DZIP3: variants seen among roughly 807,000 people sequenced by gnomAD.
DZIP3 encodes E3 ubiquitin-protein ligase DZIP3.
Under a neutral mutation model 162.0 loss-of-function variants are expected in DZIP3, and 118 were observed. That is an observed-to-expected ratio of 0.73 (90% CI 0.63 to 0.85). The LOEUF (loss-of-function observed/expected upper bound fraction) is 0.85, where lower values mean the gene tolerates loss of function less well. DZIP3 is among the 40% of genes least tolerant of loss of function. The probability of loss-of-function intolerance (pLI) is 0.00; values close to 1 mark genes in which losing one functional copy is unlikely to be tolerated. For synonymous variants in DZIP3, 438 were observed against 458.6 expected (o/e 0.96, Z 0.57); for missense variants, 1,331 against 1,407.0 (o/e 0.95, Z 0.86).
intron 26 of DZIP3, among the ~76,000 whole-genome samples, chr3:108,681,200 T>C (rs1172239052): frequency 3.3e-5 from 5 of 152,182 alleles, no homozygotes; most frequent in Non-Finnish European, 7.3e-5. Context: ...AAAGGGCTTA[T>C]ATCTAGAATC....
chr3:108,667,551 T>C (rs950473676), intron 21 of DZIP3, among the ~76,000 whole-genome samples: 1 of 152,136 alleles, frequency 6.6e-6, no homozygotes, highest in African/African-American at 2.4e-5. Flanking sequence ...CCTGTGGTGA[T>C]AGAACAGTTC....
rs147540071 is a variant in DZIP3, at chr3:108,662,628, T to A, written c.2423+371T>A. Among the ~76,000 whole-genome samples the A allele has an allele frequency of 4.3e-3, 656 of 152,372 alleles. 3 individuals carry two copies. Among genetic ancestry groups the A allele is most frequent in the African/African-American group, 0.012 (488 of 41,598 alleles). On this transcript the variant is annotated intron_variant, in intron 21 of 32. Coordinates refer to ENST00000361582, the MANE Select transcript of DZIP3 (RefSeq NM_014648.4). ...AAGACACCAAGGAATCAGTTGAGTG[T>A]ATTTTTATGTTGGTCTTTCATTTGT...
chr3:108,649,134 T>C (rs1942757984), intron 17 of DZIP3, among the ~76,000 whole-genome samples, 172 bp downstream of exon 17: 1 of 151,900 alleles, frequency 6.6e-6, no homozygotes, highest in African/African-American at 2.4e-5. Flanking sequence ...TGAATGATTT[T>C]GAAGTACGAA....
At chr3:108,632,705 TCTCTC>T (rs1162141952) in intron 8 of DZIP3, among the ~76,000 whole-genome samples, 1 of 152,178 alleles carries the variant, frequency 6.6e-6, no homozygotes, top group Non-Finnish European at 1.5e-5. Flanking sequence ...AACATACACT[TCTCTC>T]CATTCTCCAT....
intron 1 of DZIP3, among the ~76,000 whole-genome samples, chr3:108,594,848 G>C (rs1386617066): frequency 6.6e-6 from 1 of 151,748 alleles, no homozygotes; most frequent in Non-Finnish European, 1.5e-5. Context: ...TTTATATTTT[G>C]GTTTTGTTTT....
chr3:108,686,887 CATT>C (rs1037155007), intron 28 of DZIP3, among the ~76,000 whole-genome samples: 1 of 152,062 alleles, frequency 6.6e-6, no homozygotes, highest in African/African-American at 2.4e-5. Context: ...CACTAACTGC[CATT>C]ATTATCTTAA....
At chr3:108,601,393 A>T (rs1940007841) in intron 1 of DZIP3, among the ~76,000 whole-genome samples, 1 of 152,216 alleles carries the variant, frequency 6.6e-6, no homozygotes, top group South Asian at 2.1e-4. Context: ...GAATGTCAGT[A>T]GTTCCAAAAT....
intron 32 of DZIP3, 125 bp downstream of exon 32, chr3:108,691,028 G>A: frequency 1.4e-6 from 1 of 727,940 alleles, no homozygotes; most frequent in South Asian, 2.0e-5. Flanking sequence ...CAAAGCAGCA[G>A]CCAAAGAAGT....
chr3:108,689,914 G>C (rs948068612), intron 31 of DZIP3, among the ~76,000 whole-genome samples: 3 of 152,118 alleles, frequency 2.0e-5, no homozygotes, highest in Non-Finnish European at 4.4e-5. Context: ...ATGTTTGTAA[G>C]ACATCATTTC....
rs6795698 is a variant in DZIP3 at position 108,643,290 on chromosome 3, G to A, written c.1141+776G>A. 4.3e-3 allele frequency among the ~76,000 whole-genome samples: 662 copies of A among 152,200 alleles called. 3 individuals are homozygous for A. The highest frequency in any genetic ancestry group is 0.012 in the African/African-American group (488 of 41,526). On this transcript the variant is annotated intron_variant, in intron 13 of 32. Coordinates refer to ENST00000361582, the MANE Select transcript of DZIP3 (RefSeq NM_014648.4). ...CCGACTTTTCTCCTTTGAAAGCACTGTTAAAACAGGAAAATACCAAATAGT... is the reference window on the plus strand; with the variant it reads ...CCGACTTTTCTCCTTTGAAAGCACTATTAAAACAGGAAAATACCAAATAGT...
chr3:108,631,093 T>C (rs1052344799), intron 8 of DZIP3, among the ~76,000 whole-genome samples: 25 of 144,816 alleles, frequency 1.7e-4, no homozygotes, highest in African/African-American at 5.5e-4. Flanking sequence ...TCTCTCTCTC[T>C]CCTATCCTAC....
chr3:108,600,811 A>G (rs1436029681), intron 1 of DZIP3, among the ~76,000 whole-genome samples: 2 of 152,038 alleles, frequency 1.3e-5, no homozygotes, highest in Non-Finnish European at 1.5e-5. Context: ...ATGGATCCCT[A>G]TGTTTTAGAT....
chr3:108,625,717 T>C, intron 6 of DZIP3, 128 bp from the exon 7 acceptor site: 1 of 903,660 alleles, frequency 1.1e-6, no homozygotes, highest in Non-Finnish European at 1.6e-6. Flanking sequence ...AGAATGTGAA[T>C]AAATGACCAG....
intron 7 of DZIP3, among the ~76,000 whole-genome samples, chr3:108,628,187 G>A (rs1194075000): frequency 6.6e-6 from 1 of 152,120 alleles, no homozygotes; most frequent in Non-Finnish European, 1.5e-5. Context: ...AGTAGGGGAA[G>A]ATCTTAAGAA....
Position 108,624,564 on chromosome 3 carries a change from A to G in DZIP3, c.456+40A>G, listed in dbSNP as rs1941509724. 3.5e-6 allele frequency: 4 copies of G among 1,157,236 alleles called. No homozygotes were observed. The Admixed American group carries it at 7.2e-5, about 21-fold the overall frequency. The allele number at this position is 1,157,236 out of a possible 1,614,324, so 71.7% of individuals were successfully genotyped here. On this transcript the variant is annotated intron_variant, in intron 6 of 32. Transcript: ENST00000361582. ...ATTTGCCCTTTATAAATCTTTTTACATCTTGGAATAATCAGGCCAAAGATT... is the reference window on the plus strand; with the variant it reads ...ATTTGCCCTTTATAAATCTTTTTACGTCTTGGAATAATCAGGCCAAAGATT...
At chr3:108,692,641 T>C (rs1336970636) in intron 32 of DZIP3, among the ~76,000 whole-genome samples, 1 of 152,150 alleles carries the variant, frequency 6.6e-6, no homozygotes, top group Non-Finnish European at 1.5e-5. Flanking sequence ...ATTTCTCAAA[T>C]GGTTTACATC....
At chr3:108,616,452 C>G (rs189802706) in intron 4 of DZIP3, 89 bp from the exon 5 acceptor site, 3 of 848,946 alleles carry the variant, frequency 3.5e-6, no homozygotes, top group African/African-American at 3.6e-5. Flanking sequence ...AAAATTTTCT[C>G]CAATGAGCAT....
chr3:108,668,955 A>T (rs1029697387), intron 21 of DZIP3, among the ~76,000 whole-genome samples: 3 of 152,004 alleles, frequency 2.0e-5, no homozygotes, highest in Non-Finnish European at 4.4e-5. Context: ...TACTAGGTTT[A>T]TGTAAAAGCT....
At chr3:108,657,716 T>A (rs1458303306) in intron 19 of DZIP3, among the ~76,000 whole-genome samples, 1 of 151,978 alleles carries the variant, frequency 6.6e-6, no homozygotes, top group Admixed American at 6.6e-5. Flanking sequence ...AGAGTCAAGA[T>A]CCATCAGTGT....
Sources: gnomAD v4.1 joint callset for allele counts (sites outside exome capture counted in the v4.1 genomes callset) on GRCh38, gnomAD v4.1.1 for gene constraint, MANE v1.5 for transcripts, NCBI Gene and HGNC (gene_info 2026-07-23, HGNC 2026-07-21) for gene names.